Variants in MYO5B observed in about 807,000 individuals in gnomAD.
The protein encoded by MYO5B is unconventional myosin-Vb.
Under a neutral mutation model 229.3 loss-of-function variants are expected in MYO5B, and 143 were observed. The observed-to-expected ratio is 0.62, with a 90% confidence interval of 0.54 to 0.72. MYO5B has a LOEUF of 0.72. Among genes scored for constraint, MYO5B ranks in the 30% least tolerant of loss-of-function variants. MYO5B has a pLI of 0.00. For missense variants in MYO5B, 2,321 were observed against 2,331.0 expected, an observed-to-expected ratio of 1.00 and a Z score of 0.09; for synonymous variants, 918 against 885.2, an observed-to-expected ratio of 1.04 and a Z score of -0.66.
At chr18:49,848,156 C>T (rs1290656396) in intron 32 of MYO5B, among the ~76,000 whole-genome samples, 5 of 152,168 alleles carry the variant, frequency 3.3e-5, no homozygotes, top group Non-Finnish European at 5.9e-5. Flanking sequence ...CCTGGCCAGT[C>T]GAACTAAGGA....
intron 1 of MYO5B, among the ~76,000 whole-genome samples, chr18:50,152,854 T>C (rs984426770): frequency 8.6e-6 from 1 of 115,834 alleles, no homozygotes; most frequent in Admixed American, 1.1e-4. Flanking sequence ...ATAGTATGTA[T>C]TCTCAAAACT....
At chr18:50,044,433 T>C (rs1480433381) in intron 2 of MYO5B, among the ~76,000 whole-genome samples, 2 of 152,086 alleles carry the variant, frequency 1.3e-5, no homozygotes, top group Non-Finnish European at 2.9e-5. Flanking sequence ...CCTTTAGAGG[T>C]GAAAAGGAGG....
chr18:49,994,726 G>A (rs561362236), intron 5 of MYO5B, among the ~76,000 whole-genome samples: 1 of 152,200 alleles, frequency 6.6e-6, no homozygotes, highest in African/African-American at 2.4e-5. Flanking sequence ...TGTCATCTTA[G>A]CAGAGGCCTC....
At chr18:50,037,232 C>G (rs2026459344) in intron 3 of MYO5B, among the ~76,000 whole-genome samples, 1 of 128,864 alleles carries the variant, frequency 7.8e-6, no homozygotes, top group South Asian at 3.0e-4. Context: ...CACACACACA[C>G]ACACTCACTC....
At chr18:49,867,790 C>T (rs1262265913) in intron 27 of MYO5B, among the ~76,000 whole-genome samples, 2 of 152,154 alleles carry the variant, frequency 1.3e-5, no homozygotes, top group African/African-American at 4.8e-5. Flanking sequence ...GCCAGTAAAA[C>T]TGATCCGTGT....
rs1044752584 is a variant in MYO5B at position 50,192,919 on chromosome 18, T to C, written c.27+1848A>G. Among the ~76,000 whole-genome samples, 20 of 152,264 alleles carry C rather than the reference T, an allele frequency of 1.3e-4. No individual in the cohort carries two copies. The South Asian group carries it at 2.5e-3, about 19-fold the overall frequency. ...ATTTTTAATCTTTTAACTCCATTTT[T>C]CCCCCACAAACTTTCCCCCTCATAT... On this transcript the variant is annotated intron_variant, in intron 1 of 39. Transcript: ENST00000285039.
intron 1 of MYO5B, among the ~76,000 whole-genome samples, chr18:50,141,000 G>T (rs758434383): frequency 6.6e-6 from 1 of 152,206 alleles, no homozygotes; most frequent in Non-Finnish European, 1.5e-5. Context: ...CAACTGAGCC[G>T]CAGTGTTCAG....
At chr18:49,983,846 G>T (rs1407918861) in intron 8 of MYO5B, among the ~76,000 whole-genome samples, 1 of 152,200 alleles carries the variant, frequency 6.6e-6, no homozygotes, top group African/African-American at 2.4e-5. Flanking sequence ...CCCATAGAGA[G>T]GTTAAGGTGT....
intron 4 of MYO5B, among the ~76,000 whole-genome samples, chr18:50,010,532 A>G (rs561772941): frequency 1.3e-5 from 2 of 152,342 alleles, no homozygotes; most frequent in South Asian, 4.1e-4. Flanking sequence ...TGCTACTCCT[A>G]TATTCTGTGA....
chr18:50,108,257 C>CA (rs2031798056), intron 1 of MYO5B, among the ~76,000 whole-genome samples: 1 of 152,164 alleles, frequency 6.6e-6, no homozygotes, highest in Non-Finnish European at 1.5e-5. Flanking sequence ...ATAATTTAAC[C>CA]ACCTATGTAA....
In MYO5B at chr18:49,954,024, ATGTGTGTGTGTG is replaced by A. The variant is rs766610907; in HGVS notation, c.1668+277_1668+288del. On this transcript the variant is annotated intron_variant, in intron 13 of 39. Transcript: ENST00000285039. ...GACATATATGTGTGTATGTATTTAT[ATGTGTGTGTGTG>A]TGTGTGTGTGTGTGTGTGTGTGTGT... Among the ~76,000 whole-genome samples the A allele has an allele frequency of 5.3e-3, 273 of 51,134 alleles. 7 individuals carry two copies. Among genetic ancestry groups the A allele is most frequent in the East Asian group, 0.01 (36 of 3,532 alleles). 33.5% of individuals were successfully genotyped at this position (51,134 alleles called of 152,430 possible). A position where few individuals can be genotyped will look rare whatever the true frequency, so the allele number is the denominator to read the frequency against.
At chr18:50,066,513 GTTTCAGAGGGTT>G (rs1568093096) in intron 1 of MYO5B, among the ~76,000 whole-genome samples, 1 of 152,160 alleles carries the variant, frequency 6.6e-6, no homozygotes, top group Non-Finnish European at 1.5e-5. Context: ...CTAATTTGTT[GTTTCAGAGGGTT>G]GAATGGAAAA....
intron 1 of MYO5B, among the ~76,000 whole-genome samples, chr18:50,164,201 G>T (rs917571476): frequency 3.9e-5 from 6 of 152,154 alleles, no homozygotes; most frequent in Admixed American, 6.5e-5. Flanking sequence ...AACTTTGGGC[G>T]CCTTTCGCAT....
At chr18:49,974,203 C>G in intron 10 of MYO5B, 147 bp downstream of exon 10, 1 of 1,171,010 alleles carries the variant, frequency 8.5e-7, no homozygotes, top group Non-Finnish European at 1.2e-6. Flanking sequence ...ATTGTGTCAA[C>G]TAATCAACTA....
chr18:49,904,766 T>C lies in MYO5B; in HGVS notation c.2477A>G (p.Gln826Arg). ...AVVLQKHYRM[Q>R]RARQAYQRVR... Reference sequence around the variant, plus strand: ...CCTCTGGTAGGCCTGGCGGGCCCTCTGCATGCGGTAATGTTTCTGGAGCAC... The same window carrying C: ...CCTCTGGTAGGCCTGGCGGGCCCTCCGCATGCGGTAATGTTTCTGGAGCAC... The change falls in exon 20 of 40, where the codon CAG becomes CGG. Residue 826 changes from glutamine (Q) to arginine (R), a missense_variant. Physicochemically the swap from Gln to Arg is conservative, Grantham distance 43 (BLOSUM62 1). Coordinates refer to ENST00000285039, the MANE Select transcript of MYO5B (RefSeq NM_001080467.3). The C allele has an allele frequency of 6.2e-7, 1 of 1,614,022 alleles. No homozygotes were observed. The highest frequency in any genetic ancestry group is 8.5e-7 in the Non-Finnish European group (1 of 1,180,032).
chr18:50,194,597 C>T (rs1212003739), intron 1 of MYO5B, among the ~76,000 whole-genome samples, 170 bp downstream of exon 1: 1 of 152,112 alleles, frequency 6.6e-6, no homozygotes, highest in Non-Finnish European at 1.5e-5. Flanking sequence ...AAACTTTCTC[C>T]GCCAACCGAA....
rs111994054 is a variant in MYO5B, at chr18:49,824,857, A to G, written c.*1614T>C. The G allele has an allele frequency of 0.011, 1,635 of 152,278 alleles. 13 individuals are homozygous for G. The highest frequency in any genetic ancestry group is 0.019 in the Non-Finnish European group (1,310 of 68,026). 9.4% of individuals were successfully genotyped at this position (152,278 alleles called of 1,614,324 possible). A position where few individuals can be genotyped will look rare whatever the true frequency, so the allele number is the denominator to read the frequency against. ...GGATGTAGAGGGGATAATGCCCATG[A>G]CAACTGATTGGAACACAATGTCAGC... On this transcript the variant is annotated 3_prime_UTR_variant, in exon 40 of 40. Coordinates refer to ENST00000285039, the MANE Select transcript of MYO5B (RefSeq NM_001080467.3).
At chr18:50,091,711 C>A (rs1012918945) in intron 1 of MYO5B, among the ~76,000 whole-genome samples, 1 of 152,204 alleles carries the variant, frequency 6.6e-6, no homozygotes, top group African/African-American at 2.4e-5. Context: ...GACACCACCA[C>A]ACCCTGTTAC....
intron 19 of MYO5B, 63 bp downstream of exon 19, chr18:49,906,356 A>G: frequency 1.3e-6 from 2 of 1,518,610 alleles, no homozygotes; most frequent in Admixed American, 3.4e-5. Context: ...AGTAGCTGAG[A>G]AAGGCAGACC....
Sources: allele counts gnomAD v4.1 joint callset (sites outside exome capture counted in the v4.1 genomes callset), GRCh38; gene constraint gnomAD v4.1.1; transcripts MANE v1.5; gene names NCBI Gene and HGNC (gene_info 2026-07-23, HGNC 2026-07-21).